The following TMPRSS2 variants were observed in gnomAD, a reference collection of about 807,000 sequenced individuals.
TMPRSS2 encodes transmembrane serine protease 2.
Under a neutral mutation model 67.4 loss-of-function variants are expected in TMPRSS2, and 59 were observed. The ratio of observed to expected loss-of-function variants is 0.88; its 90% CI spans 0.71 to 1.09. The LOEUF (loss-of-function observed/expected upper bound fraction) is 1.09, where lower values mean the gene tolerates loss of function less well. Among genes scored for constraint, TMPRSS2 ranks in the 50% least tolerant of loss-of-function variants. The probability of loss-of-function intolerance (pLI) is 0.00; values close to 1 mark genes in which losing one functional copy is unlikely to be tolerated. For synonymous variants in TMPRSS2, 257 were observed against 257.0 expected, an observed-to-expected ratio of 1.00 and a Z score of 0.00; for missense variants, 668 against 642.7, an observed-to-expected ratio of 1.04 and a Z score of -0.43.
intron 7 of TMPRSS2, 107 bp from the exon 8 acceptor site, chr21:41,476,727 G>A: frequency 5.9e-6 from 6 of 1,013,908 alleles, no homozygotes. Flanking sequence ...CCTGTCTTCT[G>A]AGACATAGAA....
intron 1 of TMPRSS2, 82 bp downstream of exon 1, chr21:41,507,999 G>A: frequency 7.2e-7 from 1 of 1,380,764 alleles, no homozygotes; most frequent in Non-Finnish European, 9.3e-7. Flanking sequence ...GCGGGGCAGG[G>A]GGCATCGGCG....
chr21:41,501,864 G>A (rs1395673122), intron 1 of TMPRSS2, among the ~76,000 whole-genome samples: 1 of 152,246 alleles, frequency 6.6e-6, no homozygotes, highest in Non-Finnish European at 1.5e-5. Context: ...AGACAATGCT[G>A]TTTAGCGAAT....
chr21:41,491,151 AT>A (rs35598191), intron 3 of TMPRSS2, among the ~76,000 whole-genome samples: 17,880 of 105,900 alleles, frequency 0.17, 1,046 homozygotes, highest in Middle Eastern at 0.3. Context: ...TCTGCATTGC[AT>A]TTTTTTTTTT....
At chr21:41,496,903 C>T (rs969488083) in intron 2 of TMPRSS2, among the ~76,000 whole-genome samples, 2 of 128,736 alleles carry the variant, frequency 1.6e-5, no homozygotes, top group African/African-American at 6.0e-5. Flanking sequence ...TGCAGTGGTG[C>T]GATCTTGGCT....
intron 10 of TMPRSS2, 82 bp from the exon 11 acceptor site, chr21:41,470,825 G>T: frequency 8.4e-7 from 1 of 1,189,746 alleles, no homozygotes; most frequent in Non-Finnish European, 1.2e-6. Flanking sequence ...CAGGCTGCTG[G>T]GCCTGGCACC....
intron 3 of TMPRSS2, among the ~76,000 whole-genome samples, chr21:41,492,101 G>A (rs2091341742): frequency 6.6e-6 from 1 of 152,238 alleles, no homozygotes; most frequent in South Asian, 2.1e-4. Flanking sequence ...GCTGAGGCAG[G>A]AGAATCGCTT....
At chr21:41,473,263 G>A in intron 9 of TMPRSS2, 62 bp downstream of exon 9, 1 of 1,501,674 alleles carries the variant, frequency 6.7e-7, no homozygotes, top group South Asian at 1.3e-5. Flanking sequence ...CCTGCTCAAG[G>A]TCACAGGGTG....
chr21:41,466,429 G>A (rs558791980), intron 13 of TMPRSS2, among the ~76,000 whole-genome samples: 4 of 152,284 alleles, frequency 2.6e-5, no homozygotes, highest in Non-Finnish European at 4.4e-5. Flanking sequence ...CTCCTGCCAC[G>A]CAGCCCTTCC....
At chr21:41,471,658 G>A (rs1601562839) in intron 10 of TMPRSS2, 148 bp downstream of exon 10, 1 of 827,760 alleles carries the variant, frequency 1.2e-6, no homozygotes, top group Non-Finnish European at 1.8e-6. Context: ...CTTAGCCTCT[G>A]TGAGCCTCTC....
At chr21:41,495,815 C>A (rs200927621) in intron 2 of TMPRSS2, among the ~76,000 whole-genome samples, 1 of 151,902 alleles carries the variant, frequency 6.6e-6, no homozygotes, top group East Asian at 1.9e-4. Flanking sequence ...ACTCGAGAAC[C>A]ACACAAGCCA....
At chr21:41,483,213 T>C (rs2091269434) in intron 5 of TMPRSS2, among the ~76,000 whole-genome samples, 1 of 152,228 alleles carries the variant, frequency 6.6e-6, no homozygotes, top group South Asian at 2.1e-4. Context: ...CTGCCCTGTC[T>C]GTTTCATTTT....
At chr21:41,507,919 GC>G in intron 1 of TMPRSS2, 161 bp downstream of exon 1, 2 of 1,493,814 alleles carry the variant, frequency 1.3e-6, no homozygotes, top group Admixed American at 2.1e-5. Flanking sequence ...TGCCCGGCTG[GC>G]CCCAGCGCTC....
At chr21:41,473,737 C>T (rs532494132) in intron 8 of TMPRSS2, among the ~76,000 whole-genome samples, 25 of 151,252 alleles carry the variant, frequency 1.7e-4, no homozygotes, top group Admixed American at 1.2e-3. Flanking sequence ...TGGGGTCTCC[C>T]GGGACCCAGG....
rs115207130 is a variant in TMPRSS2 at position 41,471,176 on chromosome 21, G to C, written c.1076-433C>G. The stretch of plus-strand genomic sequence containing the variant: ...TGTGAATACAGACATGCTGTAGGGA[G>C]GGCTGAGGTTTTGCTTCTTCTGTAT... On this transcript the variant is annotated intron_variant, in intron 10 of 13. Coordinates refer to ENST00000332149, the MANE Select transcript of TMPRSS2 (RefSeq NM_005656.4). Among the ~76,000 whole-genome samples, 769 of 152,320 alleles carry C rather than the reference G, an allele frequency of 5.0e-3. 5 individuals carry two copies. Among genetic ancestry groups the C allele is most frequent in the African/African-American group, 0.018 (735 of 41,568 alleles).
At chr21:41,491,211 C>T (rs979246544) in intron 3 of TMPRSS2, among the ~76,000 whole-genome samples, 9 of 137,490 alleles carry the variant, frequency 6.5e-5, no homozygotes, top group African/African-American at 2.5e-4. Flanking sequence ...GGCTGGAATG[C>T]AGTGGCACAA....
At chr21:41,472,357 T>C (rs1427956043) in intron 9 of TMPRSS2, among the ~76,000 whole-genome samples, 1 of 152,232 alleles carries the variant, frequency 6.6e-6, no homozygotes, top group Non-Finnish European at 1.5e-5. Context: ...AAATGGATAC[T>C]AATGAACAGA....
intron 5 of TMPRSS2, among the ~76,000 whole-genome samples, chr21:41,482,121 G>C (rs1342936084): frequency 6.6e-6 from 1 of 151,794 alleles, no homozygotes; most frequent in Non-Finnish European, 1.5e-5. Context: ...CTCTTTAAGA[G>C]AGCACTTTGA....
intron 5 of TMPRSS2, chr21:41,486,755 G>A (rs780657082): frequency 2.0e-5 from 3 of 152,108 alleles, no homozygotes; most frequent in Non-Finnish European, 4.4e-5. Flanking sequence ...TTCCCTGTTC[G>A]AGTCACTAAC....
At chr21:41,477,315 C>T (rs8134203) in intron 7 of TMPRSS2, among the ~76,000 whole-genome samples, 97,842 of 152,010 alleles carry the variant, frequency 0.64, 33,113 homozygotes, top group Middle Eastern at 0.78. Flanking sequence ...GAGCCTCCTC[C>T]GAAATGATGT....
Sources: gnomAD v4.1 joint callset for allele counts (sites outside exome capture counted in the v4.1 genomes callset) on GRCh38, gnomAD v4.1.1 for gene constraint, MANE v1.5 for transcripts, NCBI Gene and HGNC (gene_info 2026-07-23, HGNC 2026-07-21) for gene names.